ZNF438: variants seen among roughly 807,000 people sequenced by gnomAD.
The protein encoded by ZNF438 is zinc finger protein 438.
A neutral mutation model predicts 38.0 loss-of-function variants in ZNF438; 25 were observed. That is an observed-to-expected ratio of 0.66 (90% CI 0.48 to 0.92). The LOEUF is 0.92. Ranked by LOEUF, ZNF438 falls within the 40% of genes least tolerant of loss-of-function variation. ZNF438 has a pLI of 0.00. For missense variants in ZNF438, 1,007 were observed against 999.6 expected (o/e 1.01, Z -0.10); for synonymous variants, 372 against 364.1 (o/e 1.02, Z -0.25).
chr10:30,884,839 T>A (rs2039739532), intron 3 of ZNF438, among the ~76,000 whole-genome samples: 1 of 152,256 alleles, frequency 6.6e-6, no homozygotes, highest in South Asian at 2.1e-4. Flanking sequence ...AGGCAGACAC[T>A]GCTTTGTCTT....
At chr10:31,015,853 A>C (rs1349799280) in intron 1 of ZNF438, among the ~76,000 whole-genome samples, 1 of 152,102 alleles carries the variant, frequency 6.6e-6, no homozygotes, top group Non-Finnish European at 1.5e-5. Context: ...CTGTACTCTT[A>C]CTGTGTCTTC....
chr10:30,949,219 C>T (rs2047844445), intron 1 of ZNF438, among the ~76,000 whole-genome samples: 1 of 151,600 alleles, frequency 6.6e-6, no homozygotes, highest in African/African-American at 2.4e-5. Context: ...TTGTCACCAC[C>T]AGGCCTGCCC....
intron 3 of ZNF438, among the ~76,000 whole-genome samples, chr10:30,896,257 C>G (rs564294430): frequency 6.7e-6 from 1 of 148,388 alleles, no homozygotes. Flanking sequence ...GACCGCGCCA[C>G]GGCACTCCAG....
intron 4 of ZNF438, among the ~76,000 whole-genome samples, chr10:30,861,509 T>A (rs2035576778): frequency 6.6e-6 from 1 of 152,104 alleles, no homozygotes; most frequent in Non-Finnish European, 1.5e-5. Context: ...CTAGTGGCAA[T>A]TAAAAAAAAT....
chr10:30,933,534 C>A (rs962218998), intron 2 of ZNF438, among the ~76,000 whole-genome samples: 1 of 152,156 alleles, frequency 6.6e-6, no homozygotes, highest in Admixed American at 6.5e-5. Context: ...GGGAGGGTCG[C>A]TTGAGCCTAG....
chr10:30,899,782 T>A (rs2041776315), intron 3 of ZNF438, among the ~76,000 whole-genome samples: 1 of 151,808 alleles, frequency 6.6e-6, no homozygotes, highest in Non-Finnish European at 1.5e-5. Context: ...TCTACTAGAG[T>A]TTAATTAACT....
chr10:30,977,983 GAA>G (rs775131546), intron 1 of ZNF438, among the ~76,000 whole-genome samples: 4 of 134,072 alleles, frequency 3.0e-5, no homozygotes, highest in Non-Finnish European at 3.2e-5. Flanking sequence ...CTCCGTCTCC[GAA>G]AAAAAAAAAA....
chr10:30,997,786 T>G (rs1354869138), intron 1 of ZNF438, among the ~76,000 whole-genome samples: 4 of 152,168 alleles, frequency 2.6e-5, no homozygotes, highest in African/African-American at 9.7e-5. Context: ...CCTTCTTTTC[T>G]TACAGTCATG....
intron 3 of ZNF438, among the ~76,000 whole-genome samples, chr10:30,889,606 A>AT (rs2040423107): frequency 6.6e-6 from 1 of 152,184 alleles, no homozygotes; most frequent in African/African-American, 2.4e-5. Flanking sequence ...GGGTTTCACC[A>AT]TGTTGGCCAG....
rs73252626 is a variant in ZNF438, at chr10:30,932,262, A to G, written c.-115+9313T>C. 1.9e-3 allele frequency among the ~76,000 whole-genome samples: 289 copies of G among 152,060 alleles called. 1 individual carries two copies. The highest frequency in any genetic ancestry group is 6.5e-3 in the African/African-American group (271 of 41,488). On this transcript the variant is annotated intron_variant, in intron 2 of 5. Transcript: ENST00000413025. ...TTAAAATTCTAGTCTCTCTCTTTTT[A>G]TTTTTTCATGCAACAATTCTACCTA...
intron 1 of ZNF438, among the ~76,000 whole-genome samples, chr10:30,960,952 G>A (rs1220583427): frequency 6.8e-6 from 1 of 146,008 alleles, no homozygotes; most frequent in Non-Finnish European, 1.6e-5. Context: ...AACATTTACT[G>A]AATGCCTACT....
At chr10:30,918,657 G>C (rs1035735636) in intron 2 of ZNF438, among the ~76,000 whole-genome samples, 2 of 152,118 alleles carry the variant, frequency 1.3e-5, no homozygotes, top group African/African-American at 2.4e-5. Flanking sequence ...ACTATATTCT[G>C]TATGGTAAAC....
At chr10:30,934,101 G>A (rs960182861) in intron 2 of ZNF438, among the ~76,000 whole-genome samples, 68 of 151,330 alleles carry the variant, frequency 4.5e-4, no homozygotes, top group African/African-American at 1.6e-3. Flanking sequence ...AGCCGAGATC[G>A]CGCCACTATA....
chr10:31,007,011 G>A (rs199758665), intron 1 of ZNF438, among the ~76,000 whole-genome samples: 3 of 152,072 alleles, frequency 2.0e-5, no homozygotes, highest in Non-Finnish European at 1.5e-5. Context: ...GGGGAAAGCA[G>A]GGACAAAAGA....
chr10:30,861,687 G>GTTC (rs57098761), intron 4 of ZNF438, among the ~76,000 whole-genome samples: 118,519 of 151,936 alleles, frequency 0.78, 47,014 homozygotes, highest in African/African-American at 0.89. Context: ...GCTTTTATTA[G>GTTC]TTATTTCTGG....
rs763243511 is a variant in ZNF438, at chr10:30,944,802, C to T, written c.-191-3151G>A. 5.6e-4 allele frequency among the ~76,000 whole-genome samples: 86 copies of T among 152,296 alleles called. 1 individual carries two copies. The highest frequency in any genetic ancestry group is 3.4e-3 in the Middle Eastern group (1 of 294). ...TGTCAAAGAGGAGAAACGGTTGTTT[C>T]AAGGAATCTGTTTATTTCATTAAAC... On this transcript the variant is annotated intron_variant, in intron 1 of 5. Transcript: ENST00000413025.
At chr10:30,906,303 C>T (rs1009084707) in intron 3 of ZNF438, among the ~76,000 whole-genome samples, 7 of 152,094 alleles carry the variant, frequency 4.6e-5, no homozygotes, top group Admixed American at 6.5e-5. Context: ...TTTATTCCTG[C>T]GTATTCTGTT....
chr10:30,848,625 T>A, exon 5 of ZNF438: 1 of 1,614,234 alleles, frequency 6.2e-7, no homozygotes, highest in Non-Finnish European at 8.5e-7. Context: ...TCAGTGCTGA[T>A]CACAACCCTA....
chr10:30,963,078 A>G (rs923770436), intron 1 of ZNF438, among the ~76,000 whole-genome samples: 34 of 152,222 alleles, frequency 2.2e-4, no homozygotes, highest in Non-Finnish European at 4.4e-4. Flanking sequence ...TTGTAATATT[A>G]GTACATGCTT....
Sources: gnomAD v4.1 joint callset for allele counts (sites outside exome capture counted in the v4.1 genomes callset) on GRCh38, gnomAD v4.1.1 for gene constraint, MANE v1.5 for transcripts, NCBI Gene and HGNC (gene_info 2026-07-23, HGNC 2026-07-21) for gene names.